The following GTF2E1 variants were observed in gnomAD, a reference collection of about 807,000 sequenced individuals.
GTF2E1 encodes the protein general transcription factor IIE subunit 1, also known as TFIIE alpha subunit.
A neutral mutation model predicts 34.9 loss-of-function variants in GTF2E1; 14 were observed. That is an observed-to-expected ratio of 0.40 (90% CI 0.27 to 0.63). The LOEUF is 0.63. Ranked by LOEUF, GTF2E1 falls within the 20% of genes least tolerant of loss-of-function variation. The pLI, the probability that GTF2E1 is intolerant of heterozygous loss-of-function variation, is 0.39. For synonymous variants in GTF2E1, 188 were observed against 192.9 expected (o/e 0.97, Z 0.21); for missense variants, 469 against 557.7 (o/e 0.84, Z 1.60).
At position 120,776,464 on chromosome 3, in the gene GTF2E1, C is replaced by T. The variant is rs151252302; in HGVS notation, c.692C>T (p.Ala231Val). 513 of 1,613,568 alleles carry T rather than the reference C, an allele frequency of 3.2e-4. 1 individual carries two copies. The African/African-American group carries it at 6.1e-3, about 19-fold the overall frequency. ...AATTAGAASL[A>V]GGHHREAWAT... ...ACTACTGCTGGAGCTGCTAGCCTAG[C>T]AGGTGGGCACCACCGGGAAGCATGG... Residue 231 changes from alanine (A) to valine (V), a missense_variant, in exon 4 of 5, where the codon GCA becomes GTA. Coordinates refer to ENST00000283875, the MANE Select transcript of GTF2E1 (RefSeq NM_005513.3).
rs1437322881 is a variant in GTF2E1, at chr3:120,782,260, T to C, written c.*790T>C. 6.6e-6 allele frequency: 1 copy of C among 152,128 alleles called. No individual in the cohort carries two copies. Among genetic ancestry groups the C allele is most frequent in the African/African-American group, 2.4e-5 (1 of 41,438 alleles). The allele number at this position is 152,128 out of a possible 1,614,324, so 9.4% of individuals were successfully genotyped here. A position where few individuals can be genotyped will look rare whatever the true frequency, so the allele number is the denominator to read the frequency against. Reference sequence around the variant, plus strand: ...TTAGAATTTGAGCATTTCCTCAAAATTGAGATGGATCAATATGTAAGGGGA... The same window carrying C: ...TTAGAATTTGAGCATTTCCTCAAAACTGAGATGGATCAATATGTAAGGGGA... On this transcript the variant is annotated 3_prime_UTR_variant, in exon 5 of 5. Transcript: ENST00000283875.
chr3:120,764,133 A>G (rs1038465926), intron 2 of GTF2E1, among the ~76,000 whole-genome samples: 1 of 152,006 alleles, frequency 6.6e-6, no homozygotes, highest in African/African-American at 2.4e-5. Context: ...AGAGAGGCCT[A>G]CCCTGAGTTT....
At chr3:120,779,059 G>T (rs1709425717) in intron 4 of GTF2E1, among the ~76,000 whole-genome samples, 1 of 152,078 alleles carries the variant, frequency 6.6e-6, no homozygotes, top group Non-Finnish European at 1.5e-5. Context: ...GAAAAAGGCT[G>T]TTCCTAGAAC....
At chr3:120,772,771 A>G (rs1453908796) in intron 3 of GTF2E1, among the ~76,000 whole-genome samples, 1 of 152,130 alleles carries the variant, frequency 6.6e-6, no homozygotes, top group African/African-American at 2.4e-5. Flanking sequence ...CCCCACTACA[A>G]TAGCATTCAG....
At chr3:120,765,648 T>C (rs879735708) in intron 2 of GTF2E1, among the ~76,000 whole-genome samples, 2 of 152,250 alleles carry the variant, frequency 1.3e-5, no homozygotes, top group Non-Finnish European at 2.9e-5. Flanking sequence ...AAGCTATGAC[T>C]TGGTAAACTT....
intron 1 of GTF2E1, among the ~76,000 whole-genome samples, chr3:120,743,477 T>C (rs883537): frequency 0.12 from 18,648 of 151,970 alleles, 2,524 homozygotes; most frequent in African/African-American, 0.34. Flanking sequence ...CTAGGAGACA[T>C]ATGGAAAGTT....
intron 2 of GTF2E1, among the ~76,000 whole-genome samples, chr3:120,766,642 A>G (rs1258234031): frequency 6.6e-6 from 1 of 152,012 alleles, no homozygotes; most frequent in African/African-American, 2.4e-5. Context: ...TACCTTCTCA[A>G]TAAGCTTTTC....
rs1709344534 is a variant in GTF2E1, at chr3:120,770,775, T to C, written c.496T>C (p.Ser166Pro). 6.2e-7 allele frequency: 1 copy of C among 1,613,568 alleles called. No individual in the cohort carries two copies. Among genetic ancestry groups the C allele is most frequent in the Non-Finnish European group, 8.5e-7 (1 of 1,179,684 alleles). The change falls in exon 3 of 5, where the codon TCA (serine) becomes CCA (proline). Residue 166 changes from serine to proline, a missense_variant. Physicochemically the swap from Ser to Pro is moderately conservative, Grantham distance 74. Transcript: ENST00000283875. ...FCHTEVEEDE[S>P]AMPKKDARTL... is the part of the protein sequence containing the mutation. Reference sequence around the variant, plus strand: ...CCATACAGAGGTAGAAGAGGATGAATCAGCAATGCCCAAAAAAGATGCACG... The same window carrying C: ...CCATACAGAGGTAGAAGAGGATGAACCAGCAATGCCCAAAAAAGATGCACG...
intron 2 of GTF2E1, among the ~76,000 whole-genome samples, chr3:120,759,078 C>G (rs1176860604): frequency 6.6e-6 from 1 of 152,202 alleles, no homozygotes; most frequent in African/African-American, 2.4e-5. Flanking sequence ...TCTCCATCAT[C>G]TGTTGTTTCC....
At chr3:120,771,072 T>C in intron 3 of GTF2E1, 143 bp downstream of exon 3, 1 of 721,592 alleles carries the variant, frequency 1.4e-6, no homozygotes, top group Non-Finnish European at 2.4e-6. Flanking sequence ...TTGTGCCACA[T>C]TTGTCTGATT....
Position 120,754,429 on chromosome 3 carries a change from G to A in GTF2E1, c.448+3429G>A, listed in dbSNP as rs190758248. On this transcript the variant is annotated intron_variant, in intron 2 of 4. Transcript: ENST00000283875. ...TACCAAACTCTCCTGTTTCTATCTAGTGTTCAAAATACATTTTAATAGGTG... is the reference window on the plus strand; with the variant it reads ...TACCAAACTCTCCTGTTTCTATCTAATGTTCAAAATACATTTTAATAGGTG... Among the ~76,000 whole-genome samples the A allele has an allele frequency of 1.9e-4, 29 of 152,126 alleles. 1 individual carries two copies. The highest frequency in any genetic ancestry group is 3.5e-4 in the Non-Finnish European group (24 of 67,972).
chr3:120,780,408 A>G (rs1709436854), intron 4 of GTF2E1, among the ~76,000 whole-genome samples: 1 of 152,212 alleles, frequency 6.6e-6, no homozygotes, highest in South Asian at 2.1e-4. Flanking sequence ...GTGAGTACCT[A>G]AAGGAAAAAT....
At chr3:120,752,298 A>G (rs1481874393) in intron 2 of GTF2E1, among the ~76,000 whole-genome samples, 1 of 152,200 alleles carries the variant, frequency 6.6e-6, no homozygotes, top group African/African-American at 2.4e-5. Context: ...TGTAGAATAT[A>G]TCTGGAGCTC....
At chr3:120,747,493 G>A (rs1055595697) in intron 1 of GTF2E1, among the ~76,000 whole-genome samples, 9 of 152,112 alleles carry the variant, frequency 5.9e-5, no homozygotes, top group African/African-American at 2.2e-4. Context: ...TGAGATATAT[G>A]CGGTGTTTGG....
chr3:120,751,497 A>G (rs774135281), intron 2 of GTF2E1, among the ~76,000 whole-genome samples: 1 of 152,194 alleles, frequency 6.6e-6, no homozygotes, highest in Non-Finnish European at 1.5e-5. Flanking sequence ...ATAAGAGGGG[A>G]ATTCTTTCCA....
intron 2 of GTF2E1, among the ~76,000 whole-genome samples, chr3:120,769,732 T>A (rs1019404612): frequency 2.6e-5 from 4 of 152,108 alleles, no homozygotes; most frequent in Non-Finnish European, 4.4e-5. Context: ...ATCTGTGAGA[T>A]CTTGTTTGAC....
intron 1 of GTF2E1, among the ~76,000 whole-genome samples, chr3:120,747,105 TG>T (rs1709112851): frequency 1.3e-5 from 2 of 151,986 alleles, no homozygotes; most frequent in Non-Finnish European, 2.9e-5. Context: ...TTTGTTTTTT[TG>T]TTTTGTTTTT....
At chr3:120,757,120 A>G (rs1312388024) in intron 2 of GTF2E1, among the ~76,000 whole-genome samples, 1 of 152,172 alleles carries the variant, frequency 6.6e-6, no homozygotes, top group Non-Finnish European at 1.5e-5. Context: ...GCATGCTGAG[A>G]TGAATTTGAT....
chr3:120,753,577 C>A (rs1277898373), intron 2 of GTF2E1, among the ~76,000 whole-genome samples: 1 of 152,136 alleles, frequency 6.6e-6, no homozygotes, highest in Non-Finnish European at 1.5e-5. Context: ...TTTTCCCTGA[C>A]AAAAGGTGCT....
Sources: gnomAD v4.1 joint callset for allele counts (sites outside exome capture counted in the v4.1 genomes callset) on GRCh38, gnomAD v4.1.1 for gene constraint, MANE v1.5 for transcripts, NCBI Gene and HGNC (gene_info 2026-07-23, HGNC 2026-07-21) for gene names.